Variants in ADK observed in about 807,000 individuals in gnomAD.
ADK encodes the protein adenosine kinase, also known as N6,N6-dimethyladenosine kinase.
In ADK, 24 loss-of-function variants were observed where a neutral mutation model predicts 44.7. The observed-to-expected ratio is 0.54, with a 90% confidence interval of 0.39 to 0.76. The LOEUF is 0.76. Ranked by LOEUF, ADK falls within the 30% of genes least tolerant of loss-of-function variation. The pLI is 0.00. For missense variants in ADK, 321 were observed against 425.1 expected (o/e 0.76, Z 2.15); for synonymous variants, 128 against 142.6 (o/e 0.90, Z 0.73).
chr10:74,270,292 G>C (rs545909559), intron 3 of ADK, among the ~76,000 whole-genome samples: 2 of 152,232 alleles, frequency 1.3e-5, no homozygotes, highest in Admixed American at 6.5e-5. Flanking sequence ...AAAGATAACT[G>C]TAATAAACCC....
At chr10:74,475,595 T>A (rs957176590) in intron 6 of ADK, among the ~76,000 whole-genome samples, 3 of 151,776 alleles carry the variant, frequency 2.0e-5, no homozygotes, top group Non-Finnish European at 4.4e-5. Flanking sequence ...GAGACCTAGC[T>A]ACTTGGGAGG....
intron 1 of ADK, among the ~76,000 whole-genome samples, chr10:74,171,558 G>A (rs1842160126): frequency 6.6e-6 from 1 of 152,090 alleles, no homozygotes. Context: ...AAAGTATATG[G>A]AATATTTACA....
At chr10:74,262,190 G>A (rs924877249) in intron 3 of ADK, among the ~76,000 whole-genome samples, 1 of 151,860 alleles carries the variant, frequency 6.6e-6, no homozygotes, top group Non-Finnish European at 1.5e-5. Context: ...ATGGTGGCAG[G>A]TGCCTGTAAA....
intron 3 of ADK, among the ~76,000 whole-genome samples, chr10:74,244,682 A>G (rs369186995): frequency 6.6e-6 from 1 of 152,198 alleles, no homozygotes; most frequent in South Asian, 2.1e-4. Context: ...TTTGAGTTAC[A>G]TTGTGATTTA....
chr10:74,162,927 T>A (rs1175384174), intron 1 of ADK, among the ~76,000 whole-genome samples: 1 of 151,986 alleles, frequency 6.6e-6, no homozygotes, highest in Non-Finnish European at 1.5e-5. Flanking sequence ...GGGGAAAAAT[T>A]CCCTCAGAAT....
In ADK at chr10:74,503,064, A is replaced by G. The variant is rs145315102; in HGVS notation, c.556-22192A>G. Among the ~76,000 whole-genome samples the G allele has an allele frequency of 3.8e-3, 571 of 152,170 alleles. 3 individuals are homozygous for G. The highest frequency in any genetic ancestry group is 0.013 in the African/African-American group (529 of 41,508). The stretch of plus-strand genomic sequence containing the variant: ...TTGTTTTCATTTCTACTTAGTATGT[A>G]TTTTCTTCTTTCCTTTTAGTTCAGA... On this transcript the variant is annotated intron_variant, in intron 6 of 10. Transcript: ENST00000539909.
chr10:74,657,537 A>G (rs1352990596), intron 9 of ADK, among the ~76,000 whole-genome samples: 2 of 152,250 alleles, frequency 1.3e-5, no homozygotes, highest in Admixed American at 6.5e-5. Context: ...AGCTAGAGAA[A>G]TATAGTACAG....
intron 3 of ADK, among the ~76,000 whole-genome samples, chr10:74,280,082 G>A (rs1251283968): frequency 1.3e-5 from 2 of 152,004 alleles, no homozygotes; most frequent in African/African-American, 2.4e-5. Context: ...TGTTCATATC[G>A]TCTCTACCAC....
intron 3 of ADK, among the ~76,000 whole-genome samples, chr10:74,289,212 GTTTATT>G (rs1224775593): frequency 1.3e-5 from 2 of 152,070 alleles, no homozygotes; most frequent in Non-Finnish European, 2.9e-5. Context: ...TTATTTATTT[GTTTATT>G]TTAATATTGT....
At chr10:74,225,172 G>A (rs1401281574) in intron 3 of ADK, among the ~76,000 whole-genome samples, 2 of 152,122 alleles carry the variant, frequency 1.3e-5, no homozygotes, top group African/African-American at 4.8e-5. Flanking sequence ...CTCATTCCTG[G>A]GTTCAAGCAA....
chr10:74,207,527 G>A (rs953443935), intron 2 of ADK, among the ~76,000 whole-genome samples: 4 of 152,192 alleles, frequency 2.6e-5, no homozygotes, highest in African/African-American at 9.7e-5. Flanking sequence ...GACCCGAAGT[G>A]GGTAGCTCCT....
At chr10:74,574,536 A>T (rs1299491698) in intron 7 of ADK, among the ~76,000 whole-genome samples, 1 of 152,156 alleles carries the variant, frequency 6.6e-6, no homozygotes, top group Admixed American at 6.5e-5. Context: ...GTACTCTTTG[A>T]TATCCAGTAT....
In ADK at chr10:74,589,239, C is replaced by T. The variant is rs201390446; in HGVS notation, c.727-43C>T. The T allele has an allele frequency of 4.4e-4, 696 of 1,581,358 alleles. 1 individual carries two copies. Among genetic ancestry groups the T allele is most frequent in the South Asian group, 2.8e-3 (249 of 90,240 alleles). ...AAAAAATGGATTATTTCTTCATTAC[C>T]GAGCACTTTATAATTAACTGTTCTT... is the stretch of plus-strand genomic sequence containing the variant. On this transcript the variant is annotated intron_variant, in intron 7 of 10. Transcript: ENST00000539909.
chr10:74,451,829 A>G (rs1413325788), intron 6 of ADK, among the ~76,000 whole-genome samples: 1 of 152,118 alleles, frequency 6.6e-6, no homozygotes, highest in Non-Finnish European at 1.5e-5. Flanking sequence ...AGAAAACAAA[A>G]TTTGTATTTT....
intron 6 of ADK, among the ~76,000 whole-genome samples, chr10:74,433,647 T>C (rs2133095970): frequency 6.6e-6 from 1 of 152,264 alleles, no homozygotes; most frequent in East Asian, 1.9e-4. Flanking sequence ...GAGTGATTTT[T>C]TTATTTTCAA....
chr10:74,682,168 ATGAGTGCAAAATACTGC>A (rs1375922509), intron 10 of ADK, among the ~76,000 whole-genome samples: 1 of 152,206 alleles, frequency 6.6e-6, no homozygotes, highest in African/African-American at 2.4e-5. Context: ...TCTTATCTAT[ATGAGTGCAAAATACTGC>A]TTAGCAGTAC....
chr10:74,375,224 G>T (rs1175534448), intron 4 of ADK, among the ~76,000 whole-genome samples: 1 of 151,944 alleles, frequency 6.6e-6, no homozygotes, highest in East Asian at 1.9e-4. Context: ...GTAGATGTCT[G>T]TTGCCAGATT....
chr10:74,194,997 C>T (rs1843072030), intron 1 of ADK, among the ~76,000 whole-genome samples: 1 of 152,036 alleles, frequency 6.6e-6, no homozygotes, highest in African/African-American at 2.4e-5. Context: ...AATTTGTTGA[C>T]TGTCCAATAA....
At chr10:74,243,413 C>A (rs1417276351) in intron 3 of ADK, among the ~76,000 whole-genome samples, 3 of 152,196 alleles carry the variant, frequency 2.0e-5, no homozygotes, top group African/African-American at 7.2e-5. Flanking sequence ...AATTAAGTAA[C>A]ATCATCTTAT....
Sources: allele counts gnomAD v4.1 joint callset (sites outside exome capture counted in the v4.1 genomes callset), GRCh38; gene constraint gnomAD v4.1.1; transcripts MANE v1.5; gene names NCBI Gene and HGNC (gene_info 2026-07-23, HGNC 2026-07-21).